MYO10: variants seen among roughly 807,000 people sequenced by gnomAD.
MYO10 encodes myosin X.
A neutral mutation model predicts 257.3 loss-of-function variants in MYO10; 133 were observed. The observed-to-expected ratio is 0.52, with a 90% CI of 0.45 to 0.60. The LOEUF (loss-of-function observed/expected upper bound fraction) is 0.60, where lower values mean the gene tolerates loss of function less well. MYO10 is among the 20% of genes least tolerant of loss of function. MYO10 has a pLI of 0.00. For synonymous variants in MYO10, 1,104 were observed against 1,028.6 expected (o/e 1.07, Z -1.40); for missense variants, 2,399 against 2,635.7 (o/e 0.91, Z 1.97).
At chr5:16,830,109 G>A (rs980524827) in intron 2 of MYO10, among the ~76,000 whole-genome samples, 19 of 151,926 alleles carry the variant, frequency 1.3e-4, no homozygotes, top group African/African-American at 4.1e-4. Context: ...CATGGTGCGC[G>A]CCTTTAGTCC....
At chr5:16,710,764 G>C in intron 21 of MYO10, 144 bp downstream of exon 21, 1 of 682,838 alleles carries the variant, frequency 1.5e-6, no homozygotes, top group Admixed American at 2.7e-5. Context: ...GGAGACAAAA[G>C]GTTATGGTAG....
chr5:16,796,431 GA>G (rs57430762), intron 3 of MYO10, among the ~76,000 whole-genome samples: 1,181 of 57,238 alleles, frequency 0.021, 30 homozygotes, highest in African/African-American at 0.082. Context: ...GAAAAAGAAA[GA>G]AAAGAAAGAC....
chr5:16,709,112 T>C (rs1280227540), intron 21 of MYO10, among the ~76,000 whole-genome samples: 2 of 152,086 alleles, frequency 1.3e-5, no homozygotes, highest in Non-Finnish European at 2.9e-5. Context: ...GCATATGAAG[T>C]CTACATCAGG....
chr5:16,698,623 GTTT>G (rs5866202), intron 26 of MYO10, among the ~76,000 whole-genome samples: 3 of 113,856 alleles, frequency 2.6e-5, no homozygotes, highest in East Asian at 2.4e-4. Flanking sequence ...AGAACATGCA[GTTT>G]TTTTTTTTTT....
At chr5:16,814,730 T>C (rs1045875359) in intron 3 of MYO10, 3 of 152,076 alleles carry the variant, frequency 2.0e-5, no homozygotes, top group Admixed American at 6.5e-5. Flanking sequence ...ATGGATAATA[T>C]ACAATTTTGC....
chr5:16,877,486 T>C, intron 2 of MYO10, 123 bp downstream of exon 2: 1 of 690,676 alleles, frequency 1.4e-6, no homozygotes, highest in Non-Finnish European at 2.5e-6. Flanking sequence ...GATTTTGAAT[T>C]ATCACTTAGG....
chr5:16,743,469 C>T (rs1266451844), intron 19 of MYO10, among the ~76,000 whole-genome samples: 1 of 152,040 alleles, frequency 6.6e-6, no homozygotes, highest in Admixed American at 6.5e-5. Context: ...ATGATGAAAT[C>T]CCATCTCTAT....
chr5:16,757,661 C>A (rs1203236552), intron 18 of MYO10, among the ~76,000 whole-genome samples: 2 of 151,948 alleles, frequency 1.3e-5, no homozygotes, highest in Non-Finnish European at 2.9e-5. Flanking sequence ...TATTTTATTT[C>A]TTTTCTCTCT....
chr5:16,828,875 C>T (rs1374241072), intron 2 of MYO10, among the ~76,000 whole-genome samples: 1 of 152,134 alleles, frequency 6.6e-6, no homozygotes, highest in Non-Finnish European at 1.5e-5. Context: ...CACCACCATG[C>T]CCAGCCCCAG....
At chr5:16,827,486 C>T (rs1438111448) in intron 2 of MYO10, among the ~76,000 whole-genome samples, 1 of 152,070 alleles carries the variant, frequency 6.6e-6, no homozygotes, top group East Asian at 1.9e-4. Context: ...GCGGTTTCAC[C>T]ATGATGGCCA....
At chr5:16,793,675 A>G (rs1040587374) in intron 4 of MYO10, among the ~76,000 whole-genome samples, 1 of 152,154 alleles carries the variant, frequency 6.6e-6, no homozygotes, top group Non-Finnish European at 1.5e-5. Context: ...CACGCCTGTA[A>G]TCCCAGCACT....
intron 3 of MYO10, among the ~76,000 whole-genome samples, chr5:16,813,215 A>G (rs1409655941): frequency 6.6e-6 from 1 of 152,126 alleles, no homozygotes; most frequent in African/African-American, 2.4e-5. Context: ...CTCCTCAATG[A>G]TATGACTCAA....
chr5:16,912,776 T>C (rs541848891), intron 1 of MYO10, among the ~76,000 whole-genome samples: 57 of 140,910 alleles, frequency 4.0e-4, no homozygotes, highest in Non-Finnish European at 7.3e-4. Context: ...GGGTACAACT[T>C]CCAGACTTCC....
chr5:16,796,432 A>AAAAGAAAGACGAAAGAAAGAAAG, intron 3 of MYO10, among the ~76,000 whole-genome samples: 1 of 56,418 alleles, frequency 1.8e-5, no homozygotes, highest in Non-Finnish European at 3.7e-5. Flanking sequence ...AAAAAGAAAG[A>AAAAGAAAGACGAAAGAAAGAAAG]AAAGAAAGAC....
At chr5:16,714,338 G>A (rs1738754650) in intron 19 of MYO10, among the ~76,000 whole-genome samples, 1 of 152,016 alleles carries the variant, frequency 6.6e-6, no homozygotes, top group Non-Finnish European at 1.5e-5. Context: ...AACCTGGCAG[G>A]TTCAGTCAAC....
chr5:16,853,189 T>C (rs958937303), intron 2 of MYO10, among the ~76,000 whole-genome samples: 3 of 151,960 alleles, frequency 2.0e-5, no homozygotes, highest in African/African-American at 7.2e-5. Flanking sequence ...GCTAACACAG[T>C]GAAATTCCAT....
At chr5:16,891,377 A>C (rs1745053265) in intron 1 of MYO10, among the ~76,000 whole-genome samples, 1 of 106,916 alleles carries the variant, frequency 9.4e-6, no homozygotes. Flanking sequence ...GGAAGGAAGG[A>C]AGGAGAGAGA....
Position 16,763,659 on chromosome 5 carries a change from T to C in MYO10, c.1423A>G (p.Ser475Gly). The C allele has an allele frequency of 6.2e-7, 1 of 1,603,488 alleles. No homozygotes were observed. The highest frequency in any genetic ancestry group is 8.5e-7 in the Non-Finnish European group (1 of 1,170,646). The change falls in exon 13 of 41, where the codon AGC (serine) becomes GGC (glycine). Residue 475 changes from serine (S) to glycine (G), a missense_variant. Ser to Gly is a moderately conservative substitution (Grantham distance 56, BLOSUM62 0). Around this residue, in one of 3 missense-constraint regions of MYO10, gnomAD observed 337 missense variants for 446.8 expected, o/e 0.75. Coordinates refer to ENST00000513610, the MANE Select transcript of MYO10 (RefSeq NM_012334.3). ...HIFSLEQLEY[S>G]REGLVWEDID... ...TGGAATTCTATGAGTGCTTACCGGCTATATTCTAGTTGTTCTAAAGAAAAA... is the reference window on the plus strand; with the variant it reads ...TGGAATTCTATGAGTGCTTACCGGCCATATTCTAGTTGTTCTAAAGAAAAA...
chr5:16,831,653 T>C (rs1743166188), intron 2 of MYO10, among the ~76,000 whole-genome samples: 1 of 152,148 alleles, frequency 6.6e-6, no homozygotes, highest in African/African-American at 2.4e-5. Context: ...TTCTCATTCA[T>C]ATGTGGGAGC....
Sources: allele counts gnomAD v4.1 joint callset (sites outside exome capture counted in the v4.1 genomes callset), GRCh38; gene constraint gnomAD v4.1.1; regional missense constraint gnomAD v4.1.1; transcripts MANE v1.5; gene names NCBI Gene and HGNC (gene_info 2026-07-23, HGNC 2026-07-21).